The following CACNA2D1 variants were observed in gnomAD, a reference collection of about 807,000 sequenced individuals.
CACNA2D1 encodes voltage-dependent calcium channel subunit alpha-2/delta-1.
In CACNA2D1, 53 loss-of-function variants were observed where a neutral mutation model predicts 171.5. The observed-to-expected ratio is 0.31, with a 90% CI of 0.25 to 0.39. The LOEUF (loss-of-function observed/expected upper bound fraction) is 0.39, where lower values mean the gene tolerates loss of function less well. Ranked by LOEUF, CACNA2D1 falls within the 10% of genes least tolerant of loss-of-function variation. The pLI is 1.00. For synonymous variants in CACNA2D1, 442 were observed against 443.1 expected, an observed-to-expected ratio of 1.00 and a Z score of 0.03; for missense variants, 903 against 1,299.8, an observed-to-expected ratio of 0.69 and a Z score of 4.69.
At chr7:82,170,332 T>TG (rs1563150989) in intron 4 of CACNA2D1, among the ~76,000 whole-genome samples, 1 of 151,308 alleles carries the variant, frequency 6.6e-6, no homozygotes, top group South Asian at 2.1e-4. Context: ...TTTTGGTTTT[T>TG]GTTTTTTTTT....
intron 1 of CACNA2D1, among the ~76,000 whole-genome samples, chr7:82,366,790 A>T (rs1387764646): frequency 6.6e-6 from 1 of 151,954 alleles, no homozygotes; most frequent in Non-Finnish European, 1.5e-5. Flanking sequence ...TTCTTTGAGA[A>T]ATCTCCAAAC....
At chr7:82,130,466 T>A (rs2129068832) in intron 5 of CACNA2D1, among the ~76,000 whole-genome samples, 1 of 152,218 alleles carries the variant, frequency 6.6e-6, no homozygotes, top group East Asian at 1.9e-4. Flanking sequence ...TAATGTATCA[T>A]AATTAAATGC....
At chr7:82,206,573 G>C (rs1417605422) in intron 3 of CACNA2D1, among the ~76,000 whole-genome samples, 1 of 152,036 alleles carries the variant, frequency 6.6e-6, no homozygotes. Flanking sequence ...CATAAAAGAT[G>C]CAAATTTAAT....
intron 3 of CACNA2D1, among the ~76,000 whole-genome samples, chr7:82,250,187 C>G (rs1805461240): frequency 6.6e-6 from 1 of 152,206 alleles, no homozygotes; most frequent in South Asian, 2.1e-4. Context: ...GCCCAATCAC[C>G]TCTTATTAGG....
At chr7:81,953,924 A>G (rs999061734) in intron 38 of CACNA2D1, among the ~76,000 whole-genome samples, 1 of 152,056 alleles carries the variant, frequency 6.6e-6, no homozygotes, top group Admixed American at 6.6e-5. Context: ...TGTGATGATG[A>G]GATATGTCTG....
chr7:82,334,478 C>T (rs529230701), intron 3 of CACNA2D1, among the ~76,000 whole-genome samples: 3 of 152,162 alleles, frequency 2.0e-5, no homozygotes, highest in East Asian at 1.9e-4. Context: ...GATACATCCT[C>T]ATAAAATATT....
intron 3 of CACNA2D1, among the ~76,000 whole-genome samples, chr7:82,200,775 G>A (rs1198971564): frequency 6.6e-6 from 1 of 152,154 alleles, no homozygotes; most frequent in South Asian, 2.1e-4. Context: ...GCACATTCCA[G>A]GAGAAATGAT....
At chr7:82,234,867 G>A (rs141064593) in intron 3 of CACNA2D1, among the ~76,000 whole-genome samples, 99 of 152,222 alleles carry the variant, frequency 6.5e-4, no homozygotes, top group African/African-American at 2.0e-3. Flanking sequence ...CAAAACAGGC[G>A]TATCTCTGTA....
At position 82,060,409 on chromosome 7, in the gene CACNA2D1, G is replaced by A. The variant is rs528189364; in HGVS notation, c.879+19C>T. The A allele has an allele frequency of 1.4e-5, 21 of 1,501,496 alleles. No homozygotes were observed. The South Asian group carries it at 2.3e-4, about 16-fold the overall frequency. The allele number at this position is 1,501,496 out of a possible 1,614,324, so 93.0% of individuals were successfully genotyped here. A position where few individuals can be genotyped will look rare whatever the true frequency, so the allele number is the denominator to read the frequency against. On this transcript the variant is annotated intron_variant, in intron 10 of 38. Coordinates refer to ENST00000356860, the MANE Select transcript of CACNA2D1 (RefSeq NM_000722.4). ...AATTGCAAATTTAATTCAGGAAAAT[G>A]CAGTCATCTTATACTTACTGAAGCT...
At position 82,038,143 on chromosome 7, in the gene CACNA2D1, A is replaced by G. The variant is rs757892178; in HGVS notation, c.972T>C (p.Asn324=). 1 of 1,613,412 alleles carries G rather than the reference A, an allele frequency of 6.2e-7. No homozygotes were observed. The highest frequency in any genetic ancestry group is 1.1e-5 in the South Asian group (1 of 91,076). ...NKKVLKDAVN[N]ITAKGITDYK... ...AATCTGTAATTCCTTTGGCTGTGATATTATTCACCGCGTCTTTCAACACTT... is the reference window on the plus strand; with the variant it reads ...AATCTGTAATTCCTTTGGCTGTGATGTTATTCACCGCGTCTTTCAACACTT... Residue 324 remains asparagine, a synonymous_variant, in exon 11 of 39, where the codon AAT becomes AAC. Coordinates refer to ENST00000356860, the MANE Select transcript of CACNA2D1 (RefSeq NM_000722.4).
chr7:82,428,000 C>G (rs2214832), intron 1 of CACNA2D1, among the ~76,000 whole-genome samples: 94,032 of 151,724 alleles, frequency 0.62, 29,479 homozygotes, highest in Admixed American at 0.71. Context: ...ACGAGCCTGG[C>G]CAACATAGTG....
intron 10 of CACNA2D1, among the ~76,000 whole-genome samples, chr7:82,041,845 ATTAG>A (rs1334751258): frequency 4.6e-5 from 7 of 152,200 alleles, no homozygotes; most frequent in Non-Finnish European, 1.0e-4. Flanking sequence ...TTAGAGAATT[ATTAG>A]AAATGGTTAC....
chr7:82,186,364 T>C (rs1797785214), intron 3 of CACNA2D1, among the ~76,000 whole-genome samples: 1 of 152,130 alleles, frequency 6.6e-6, no homozygotes, highest in Non-Finnish European at 1.5e-5. Flanking sequence ...GCCCCCTGAT[T>C]GTCTTTATCC....
At chr7:82,029,720 T>C (rs1802415945) in intron 12 of CACNA2D1, 1 of 151,798 alleles carries the variant, frequency 6.6e-6, no homozygotes, top group Non-Finnish European at 1.5e-5. Flanking sequence ...TGTGTGGATA[T>C]ATATATATGT....
intron 3 of CACNA2D1, among the ~76,000 whole-genome samples, chr7:82,223,921 G>A (rs11514983): frequency 0.28 from 42,838 of 152,054 alleles, 6,942 homozygotes; most frequent in Non-Finnish European, 0.38. Flanking sequence ...ATCTCCTGAC[G>A]TGACATTCCT....
At chr7:82,149,979 CGT>C (rs368587300) in intron 4 of CACNA2D1, among the ~76,000 whole-genome samples, 4 of 150,516 alleles carry the variant, frequency 2.7e-5, no homozygotes, top group Non-Finnish European at 4.4e-5. Flanking sequence ...TGTACATGTG[CGT>C]GTGTGTGTGT....
intron 4 of CACNA2D1, among the ~76,000 whole-genome samples, chr7:82,170,304 C>T (rs1795880650): frequency 6.6e-6 from 1 of 150,734 alleles, no homozygotes; most frequent in Non-Finnish European, 1.5e-5. Context: ...GAGAACATTT[C>T]AAGGGTTTTA....
intron 3 of CACNA2D1, among the ~76,000 whole-genome samples, chr7:82,268,999 A>C (rs1718352571): frequency 6.6e-6 from 1 of 152,200 alleles, no homozygotes; most frequent in Admixed American, 6.5e-5. Flanking sequence ...TTTTAAAAAG[A>C]AAGTTGATGC....
chr7:82,314,178 A>C (rs1814811952), intron 3 of CACNA2D1, among the ~76,000 whole-genome samples: 1 of 152,178 alleles, frequency 6.6e-6, no homozygotes, highest in African/African-American at 2.4e-5. Flanking sequence ...ATAAGTAAAT[A>C]CTTTGGTTTG....
Sources: allele counts gnomAD v4.1 joint callset (sites outside exome capture counted in the v4.1 genomes callset), GRCh38; gene constraint gnomAD v4.1.1; transcripts MANE v1.5; gene names NCBI Gene and HGNC (gene_info 2026-07-23, HGNC 2026-07-21).